ABHD4: variants seen among roughly 807,000 people sequenced by gnomAD.
ABHD4 encodes abhydrolase domain containing 4, N-acyl phospholipase B, also known as (Lyso)-N-acylphosphatidylethanolamine lipase.
Under a neutral mutation model 42.3 loss-of-function variants are expected in ABHD4, and 35 were observed. That is an observed-to-expected ratio of 0.83 (90% CI 0.63 to 1.10). The LOEUF (loss-of-function observed/expected upper bound fraction) is 1.10, where lower values mean the gene tolerates loss of function less well. ABHD4 is among the 50% of genes least tolerant of loss of function. ABHD4 has a pLI of 0.00. For synonymous variants in ABHD4, 169 were observed against 170.6 expected (o/e 0.99, Z 0.07); for missense variants, 389 against 454.8 (o/e 0.86, Z 1.32).
chr14:22,601,856 A>G (rs1198162052), intron 2 of ABHD4, 101 bp downstream of exon 2: 1 of 1,026,994 alleles, frequency 9.7e-7, no homozygotes, highest in Non-Finnish European at 1.5e-6. Context: ...ATTCCTAATT[A>G]ACAGTGTGTA....
intron 4 of ABHD4, among the ~76,000 whole-genome samples, chr14:22,604,808 C>T (rs1415131583): frequency 2.0e-5 from 3 of 151,920 alleles, no homozygotes; most frequent in Non-Finnish European, 4.4e-5. Context: ...CGGGGTTTCA[C>T]CATGTTGGCT....
intron 6 of ABHD4, 73 bp downstream of exon 6, chr14:22,609,983 G>C: frequency 6.9e-7 from 1 of 1,446,302 alleles, no homozygotes; most frequent in Non-Finnish European, 9.5e-7. Context: ...GGTAGAGAAG[G>C]GTGATCAAGG....
chr14:22,603,847 A>G, intron 3 of ABHD4, 78 bp from the exon 4 acceptor site: 1 of 1,587,694 alleles, frequency 6.3e-7, no homozygotes, highest in Non-Finnish European at 8.6e-7. Flanking sequence ...AACTTCTCTC[A>G]TTCCCAGGCG....
At chr14:22,602,928 G>C (rs370538574) in intron 2 of ABHD4, among the ~76,000 whole-genome samples, 11 of 152,098 alleles carry the variant, frequency 7.2e-5, no homozygotes, top group African/African-American at 2.7e-4. Context: ...ATGGTGAGGG[G>C]GGTCAGTGGA....
In ABHD4 at chr14:22,601,674, G is replaced by A. The variant is rs184626227; in HGVS notation, c.31G>A (p.Gly11Ser). The stretch of plus-strand genomic sequence containing the variant: ...TCTGTCTCCTCCTCCCAGGTCTCAA[G>A]GCTGGCTGAGTAGCTGGCTGCCCAC... MADDLEQQSQ[G>S]WLSSWLPTWR... The change falls in exon 2 of 7, where the codon GGC becomes AGC. Residue 11 changes from glycine (G) to serine (S), a missense_variant. Gly to Ser is a moderately conservative substitution (Grantham distance 56, BLOSUM62 0). Around this residue, in one of 3 missense-constraint regions of ABHD4, gnomAD observed 102 missense variants for 128.3 expected, o/e 0.80. Transcript: ENST00000428304. The A allele has an allele frequency of 1.9e-6, 3 of 1,614,116 alleles. No individual in the cohort carries two copies. The highest frequency in any genetic ancestry group is 1.7e-5 in the Admixed American group (1 of 60,018).
chr14:22,606,393 C>A, intron 4 of ABHD4, 29 bp from the exon 5 acceptor site: 3 of 1,549,240 alleles, frequency 1.9e-6, no homozygotes, highest in Admixed American at 1.8e-5. Context: ...CCCAAATTGG[C>A]CTGTCTGTGT....
chr14:22,603,499 G>C lies in ABHD4; in HGVS notation c.222G>C (p.Val74=). ...EQNDRTPLVM[V]HGFGGGVGLW... is the part of the protein sequence containing the mutation. ...ACGACCGCACCCCCTTGGTGATGGT[G>C]CATGGTTTTGGGGGCGGCGTGGGTC... The change falls in exon 3 of 7, where the codon GTG becomes GTC. Residue 74 remains valine (V), a synonymous_variant. Transcript: ENST00000428304. 1 of 1,614,192 alleles carries C rather than the reference G, an allele frequency of 6.2e-7. No homozygotes were observed. The highest frequency in any genetic ancestry group is 8.5e-7 in the Non-Finnish European group (1 of 1,180,014).
chr14:22,600,829 GGGGTGTGTGTGTGT>G lies in ABHD4; in HGVS notation c.24-836_24-823del, dbSNP rs1356019174. On this transcript the variant is annotated intron_variant, in intron 1 of 6. Transcript: ENST00000428304. ...AACACTATGATTCACGTCCAGCAGG[GGGGTGTGTGTGTGT>G]GTGTGTGTGTGTGTGTGTGTGTGTG... Among the ~76,000 whole-genome samples, 73 of 125,218 alleles carry G rather than the reference GGGGTGTGTGTGTGT, an allele frequency of 5.8e-4. 1 individual carries two copies. Among genetic ancestry groups the G allele is most frequent in the African/African-American group, 1.9e-3 (62 of 32,528 alleles). The allele number at this position is 125,218 out of a possible 152,430, so 82.1% of individuals were successfully genotyped here.
chr14:22,602,104 A>G (rs1390732813), intron 2 of ABHD4, among the ~76,000 whole-genome samples: 4 of 150,056 alleles, frequency 2.7e-5, no homozygotes, highest in Admixed American at 2.7e-4. Context: ...TCTTCTCACC[A>G]CACAAGTACT....
Position 22,611,139 on chromosome 14 carries a change from C to T in ABHD4, c.*191C>T, listed in dbSNP as rs923728397. 1.7e-4 allele frequency: 102 copies of T among 591,534 alleles called. No homozygotes were observed. Among genetic ancestry groups the T allele is most frequent in the Middle Eastern group, 3.6e-4 (1 of 2,806 alleles). 36.6% of individuals were successfully genotyped at this position (591,534 alleles called of 1,614,324 possible). A position where few individuals can be genotyped will look rare whatever the true frequency, so the allele number is the denominator to read the frequency against. ...TACACTGAAGGCTGAAGGCAGAAGC[C>T]ACAAGAGGCCTTGAGTGCCACCCCC... On this transcript the variant is annotated 3_prime_UTR_variant, in exon 7 of 7. Coordinates refer to ENST00000428304, the MANE Select transcript of ABHD4 (RefSeq NM_022060.3).
At position 22,606,542 on chromosome 14, in the gene ABHD4, C is replaced by G. The variant is rs373621259; in HGVS notation, c.752+9C>G. The G allele has an allele frequency of 6.4e-5, 102 of 1,591,894 alleles. No homozygotes were observed. The Admixed American group carries it at 9.5e-4, about 15-fold the overall frequency. ...AACGCACAGAATCCCAGGTGAGGGC[C>G]GCTCCCCAGGCCAGCTTGGGGCAGA... On this transcript the variant is annotated intron_variant, in intron 5 of 6. Transcript: ENST00000428304.
At chr14:22,605,240 C>T (rs537203005) in intron 4 of ABHD4, among the ~76,000 whole-genome samples, 15 of 152,170 alleles carry the variant, frequency 9.9e-5, no homozygotes, top group Non-Finnish European at 1.8e-4. Flanking sequence ...CACCCTTCTC[C>T]GCTGGGGAGC....
In ABHD4 at chr14:22,603,509, G is replaced by T; in HGVS notation, c.232G>T (p.Gly78Trp). 1 of 1,614,152 alleles carries T rather than the reference G, an allele frequency of 6.2e-7. No individual in the cohort carries two copies. The highest frequency in any genetic ancestry group is 8.5e-7 in the Non-Finnish European group (1 of 1,180,000). ...RTPLVMVHGF[G>W]GGVGLWILNM... ...CCCCTTGGTGATGGTGCATGGTTTT[G>T]GGGGCGGCGTGGGTCTCTGGATCCT... Residue 78 changes from glycine to tryptophan, a missense_variant, in exon 3 of 7, where the codon GGG (glycine) becomes TGG (tryptophan). Physicochemically the swap from Gly to Trp is radical, Grantham distance 184. Transcript: ENST00000428304.
In ABHD4 at chr14:22,611,011, C is replaced by A; in HGVS notation, c.*63C>A. ...TCACTCTTACCTCCCTGTCTGCTTA[C>A]TCACCCACTCTGTCCTTTCCTCACC... is the stretch of plus-strand genomic sequence containing the variant. On this transcript the variant is annotated 3_prime_UTR_variant, in exon 7 of 7. Transcript: ENST00000428304. 1 of 1,426,780 alleles carries A rather than the reference C, an allele frequency of 7.0e-7. No individual in the cohort carries two copies. The highest frequency in any genetic ancestry group is 9.8e-7 in the Non-Finnish European group (1 of 1,016,480). 88.4% of individuals were successfully genotyped at this position (1,426,780 alleles called of 1,614,324 possible).
Position 22,610,838 on chromosome 14 carries a change from C to T in ABHD4, c.940-21C>T, listed in dbSNP as rs1290621559. The stretch of plus-strand genomic sequence containing the variant: ...CCAGGAATAAAAGGCCATCCCACCC[C>T]TGCGGGTTCTCTCTCCACAGGAGAT... On this transcript the variant is annotated intron_variant, in intron 6 of 6. Transcript: ENST00000428304. 3 of 1,606,610 alleles carry T rather than the reference C, an allele frequency of 1.9e-6. No homozygotes were observed. In the African/African-American group the frequency reaches 4.0e-5, roughly 21 times the overall value.
Position 22,611,643 on chromosome 14 carries a change from G to A in ABHD4, c.*695G>A, listed in dbSNP as rs2037416228. Reference sequence around the variant, plus strand: ...CCTGTGCTTGTTGCACACTTGATTTGCTAAGGCTGGAGACAGGCACCATTG... The same window carrying A: ...CCTGTGCTTGTTGCACACTTGATTTACTAAGGCTGGAGACAGGCACCATTG... On this transcript the variant is annotated 3_prime_UTR_variant, in exon 7 of 7. Transcript: ENST00000428304. 1 of 152,682 alleles carries A rather than the reference G, an allele frequency of 6.5e-6. No homozygotes were observed. Among genetic ancestry groups the A allele is most frequent in the Non-Finnish European group, 1.5e-5 (1 of 68,196 alleles). The allele number at this position is 152,682 out of a possible 1,614,324, so 9.5% of individuals were successfully genotyped here.
intron 4 of ABHD4, 101 bp from the exon 5 acceptor site, chr14:22,606,321 G>C: frequency 2.6e-6 from 2 of 769,988 alleles, no homozygotes; most frequent in South Asian, 3.1e-5. Context: ...ACCCTTAGGA[G>C]AAATAAGGTT....
At chr14:22,599,668 G>A (rs924060845) in intron 1 of ABHD4, among the ~76,000 whole-genome samples, 4 of 152,188 alleles carry the variant, frequency 2.6e-5, no homozygotes, top group East Asian at 1.9e-4. Flanking sequence ...CTTGGGTAGC[G>A]TTTCTCCTGA....
rs972012108 is a variant in ABHD4 at position 22,604,038 on chromosome 14, G to A, written c.599G>A (p.Arg200His). 13 of 1,614,144 alleles carry A rather than the reference G, an allele frequency of 8.1e-6. No individual in the cohort carries two copies. Among genetic ancestry groups the A allele is most frequent in the South Asian group, 1.1e-5 (1 of 91,074 alleles). Residue 200 changes from arginine to histidine, a missense_variant, in exon 4 of 7, where the codon CGT becomes CAT. Transcript: ENST00000428304. ...AAAGCCGTGGCATCTGTCCTAGGAC[G>A]TTCCAATCCATTGGCTGTTCTTCGA... The part of the protein sequence containing the change: ...WVKAVASVLG[R>H]SNPLAVLRVA...
Sources: gnomAD v4.1 joint callset for allele counts (sites outside exome capture counted in the v4.1 genomes callset) on GRCh38, gnomAD v4.1.1 for gene constraint, gnomAD v4.1.1 regional missense constraint, MANE v1.5 for transcripts, NCBI Gene and HGNC (gene_info 2026-07-23, HGNC 2026-07-21) for gene names.